The following HSPB8 variants were observed in gnomAD, a reference collection of about 807,000 sequenced individuals.
HSPB8 encodes the protein heat shock protein family B (small) member 8, also known as heat shock protein beta-8.
Under a neutral mutation model 16.5 loss-of-function variants are expected in HSPB8, and 9 were observed. That is an observed-to-expected ratio of 0.55 (90% CI 0.33 to 0.95). The LOEUF is 0.95. HSPB8 is among the 40% of genes least tolerant of loss of function. The pLI is 0.03. For synonymous variants in HSPB8, 99 were observed against 94.8 expected (o/e 1.04, Z -0.26); for missense variants, 238 against 251.2 (o/e 0.95, Z 0.35).
chr12:119,185,092 G>A (rs894307311), intron 1 of HSPB8, among the ~76,000 whole-genome samples: 4 of 151,498 alleles, frequency 2.6e-5, no homozygotes, highest in Admixed American at 1.3e-4. Flanking sequence ...AATAGCTTCC[G>A]TGGGGTGACA....
chr12:119,189,471 C>T (rs1350872016), intron 2 of HSPB8, among the ~76,000 whole-genome samples: 1 of 152,006 alleles, frequency 6.6e-6, no homozygotes, highest in Non-Finnish European at 1.5e-5. Flanking sequence ...TCAGTGGTCC[C>T]CAACCTTTTT....
At chr12:119,188,495 G>A (rs1252043822) in intron 2 of HSPB8, among the ~76,000 whole-genome samples, 11 of 151,744 alleles carry the variant, frequency 7.2e-5, no homozygotes, top group Admixed American at 4.6e-4. Context: ...TGATCTGCCC[G>A]CCTCTGCCTC....
At chr12:119,182,574 G>C (rs1377358266) in intron 1 of HSPB8, among the ~76,000 whole-genome samples, 1 of 152,106 alleles carries the variant, frequency 6.6e-6, no homozygotes, top group Non-Finnish European at 1.5e-5. Context: ...GGAGGTGGAG[G>C]TTGCAGTGAG....
Position 119,178,935 on chromosome 12 carries a change from GAA to G in HSPB8, c.-377_-376del. 1 of 330,704 alleles carries G rather than the reference GAA, an allele frequency of 3.0e-6. No homozygotes were observed. Among genetic ancestry groups the G allele is most frequent in the South Asian group, 3.0e-5 (1 of 32,854 alleles). The allele number at this position is 330,704 out of a possible 1,614,324, so 20.5% of individuals were successfully genotyped here. A position where few individuals can be genotyped will look rare whatever the true frequency, so the allele number is the denominator to read the frequency against. ...GCTTGCAGCCCAGAAGGAGCCAGAA[GAA>G]GTTTCTAGGCGCGCGTGCCCTGGGT... On this transcript the variant is annotated 5_prime_UTR_variant, in exon 1 of 3. Coordinates refer to ENST00000281938, the MANE Select transcript of HSPB8 (RefSeq NM_014365.3).
intron 1 of HSPB8, among the ~76,000 whole-genome samples, chr12:119,182,483 C>T (rs1030564740): frequency 6.6e-6 from 1 of 151,802 alleles, no homozygotes; most frequent in Non-Finnish European, 1.5e-5. Flanking sequence ...ACTAAAAATA[C>T]AAAAATTAGC....
intron 2 of HSPB8, among the ~76,000 whole-genome samples, chr12:119,189,620 G>A (rs1425675977): frequency 6.6e-6 from 1 of 152,116 alleles, no homozygotes; most frequent in Non-Finnish European, 1.5e-5. Context: ...TCACAACAGG[G>A]TTCAAGCTCC....
chr12:119,190,723 A>G (rs1253395414), intron 2 of HSPB8, among the ~76,000 whole-genome samples: 1 of 152,208 alleles, frequency 6.6e-6, no homozygotes, highest in African/African-American at 2.4e-5. Flanking sequence ...GAGGAAAGCG[A>G]TCATGAAATA....
intron 1 of HSPB8, among the ~76,000 whole-genome samples, chr12:119,181,398 C>A (rs1366384161): frequency 6.6e-6 from 1 of 152,166 alleles, no homozygotes; most frequent in African/African-American, 2.4e-5. Flanking sequence ...AGGTGAGAGA[C>A]AAATGGTCGC....
At chr12:119,180,316 A>G (rs1028459265) in intron 1 of HSPB8, among the ~76,000 whole-genome samples, 4 of 152,174 alleles carry the variant, frequency 2.6e-5, no homozygotes, top group African/African-American at 9.7e-5. Context: ...TGAGGCACGG[A>G]GAGATTAAAG....
intron 1 of HSPB8, among the ~76,000 whole-genome samples, chr12:119,185,198 C>T (rs1283115419): frequency 1.3e-5 from 2 of 151,476 alleles, no homozygotes; most frequent in East Asian, 3.9e-4. Context: ...CTCTGTTGCC[C>T]AGGCTGGAGT....
intron 1 of HSPB8, among the ~76,000 whole-genome samples, chr12:119,181,217 C>A (rs1203115176): frequency 6.6e-6 from 1 of 152,188 alleles, no homozygotes; most frequent in Non-Finnish European, 1.5e-5. Context: ...ACTCCCATGA[C>A]ACAGCCTCAG....
intron 1 of HSPB8, chr12:119,182,871 CA>C (rs1954648217): frequency 6.6e-6 from 1 of 152,108 alleles, no homozygotes; most frequent in African/African-American, 2.4e-5. Context: ...GAAAGTAACT[CA>C]CCTGAGATTA....
rs781475312 is a variant in HSPB8 at position 119,179,383 on chromosome 12, C to T, written c.71C>T (p.Ser24Phe). Residue 24 changes from serine (S) to phenylalanine (F), a missense_variant, in exon 1 of 3, where the codon TCT becomes TTT. Coordinates refer to ENST00000281938, the MANE Select transcript of HSPB8 (RefSeq NM_014365.3). ...CTGCGCCGAGACCCCTTCCGGGACTCTCCCCTCTCCTCTCGCCTGCTGGAT... is the reference window on the plus strand; with the variant it reads ...CTGCGCCGAGACCCCTTCCGGGACTTTCCCCTCTCCTCTCGCCTGCTGGAT... ...SRLRRDPFRD[S>F]PLSSRLLDDG... The T allele has an allele frequency of 3.1e-6, 5 of 1,614,158 alleles. No homozygotes were observed. The South Asian group carries it at 3.3e-5, about 11-fold the overall frequency.
Position 119,193,044 on chromosome 12 carries a change from A to G in HSPB8, c.432-655A>G, listed in dbSNP as rs114207565. On this transcript the variant is annotated intron_variant, in intron 2 of 2. Transcript: ENST00000281938. ...GGAGCTACAATTCAATATGAGATTT[A>G]GGTGGACACAGCCAAACCACATCAG... is the stretch of plus-strand genomic sequence containing the variant. 9.8e-3 allele frequency among the ~76,000 whole-genome samples: 1,496 copies of G among 152,292 alleles called. 32 individuals are homozygous for G. The highest frequency in any genetic ancestry group is 0.035 in the African/African-American group (1,434 of 41,550).
intron 1 of HSPB8, among the ~76,000 whole-genome samples, chr12:119,182,644 A>C (rs1954646442): frequency 6.6e-6 from 1 of 152,126 alleles, no homozygotes; most frequent in African/African-American, 2.4e-5. Context: ...GTCTCAAAAA[A>C]AATAAAAAAT....
rs549655856 is a variant in HSPB8 at position 119,187,107 on chromosome 12, T to C, written c.431+19T>C. The stretch of plus-strand genomic sequence containing the variant: ...AAATCCAGTAAGTAACCTGGAGTCA[T>C]GGAGCTCAGGGTGGGAGTGGAGGAG... On this transcript the variant is annotated intron_variant, in intron 2 of 2. Transcript: ENST00000281938. 2.2e-5 allele frequency: 35 copies of C among 1,606,624 alleles called. No homozygotes were observed. The Admixed American group carries it at 4.5e-4, about 21-fold the overall frequency.
At chr12:119,181,242 A>G (rs759242452) in intron 1 of HSPB8, among the ~76,000 whole-genome samples, 1 of 152,200 alleles carries the variant, frequency 6.6e-6, no homozygotes. Context: ...TCCTCCTGTC[A>G]CATGCCCAAG....
chr12:119,179,674 T>C lies in HSPB8; in HGVS notation c.362T>C (p.Val121Ala). The change falls in exon 1 of 3, where the codon GTG becomes GCG. Residue 121 changes from valine (V) to alanine (A), a missense_variant. Val to Ala is a moderately conservative substitution (Grantham distance 64, BLOSUM62 0). Coordinates refer to ENST00000281938, the MANE Select transcript of HSPB8 (RefSeq NM_014365.3). ...MVKTKDGYVE[V>A]SGKHEEKQQE... is the part of the protein sequence containing the mutation. ...AAGACCAAAGATGGATACGTGGAGG[T>C]GTCTGGTAAGTCAGGGGCAGGAGGG... 6.3e-7 allele frequency: 1 copy of C among 1,577,652 alleles called. No homozygotes were observed. Among genetic ancestry groups the C allele is most frequent in the Non-Finnish European group, 8.6e-7 (1 of 1,163,588 alleles).
intron 2 of HSPB8, among the ~76,000 whole-genome samples, chr12:119,188,310 G>T (rs764428854): frequency 2.7e-5 from 4 of 147,330 alleles, no homozygotes; most frequent in Non-Finnish European, 5.9e-5. Flanking sequence ...GCAGTGGCAC[G>T]ATGTCAGCTC....
Sources: allele counts gnomAD v4.1 joint callset (sites outside exome capture counted in the v4.1 genomes callset), GRCh38; gene constraint gnomAD v4.1.1; transcripts MANE v1.5; gene names NCBI Gene and HGNC (gene_info 2026-07-23, HGNC 2026-07-21).